CDYL: variants seen among roughly 807,000 people sequenced by gnomAD.
CDYL encodes chromodomain Y-like protein.
Under a neutral mutation model 47.3 loss-of-function variants are expected in CDYL, and 8 were observed. That is an observed-to-expected ratio of 0.17 (90% CI 0.10 to 0.31). The LOEUF (loss-of-function observed/expected upper bound fraction) is 0.31. Ranked by LOEUF, CDYL falls within the 10% of genes least tolerant of loss-of-function variation. CDYL has a pLI of 1.00. For missense variants in CDYL, 471 were observed against 701.4 expected (o/e 0.67, Z 3.71); for synonymous variants, 266 against 265.0 (o/e 1.00, Z -0.04).
chr6:4,948,698 AAAC>A (rs1419865040), intron 5 of CDYL, among the ~76,000 whole-genome samples: 3 of 152,236 alleles, frequency 2.0e-5, no homozygotes, highest in African/African-American at 4.8e-5. Context: ...CCCCCACACC[AAAC>A]AACAGTCCAG....
In CDYL at chr6:4,935,504, ACT is replaced by A. The variant is rs766127105; in HGVS notation, c.692-7_692-6del. The A allele has an allele frequency of 1.9e-5, 31 of 1,613,094 alleles. No homozygotes were observed. In the East Asian group the frequency reaches 6.7e-4, roughly 35 times the overall value. ...ACATCACAGACTACTGTGATTTCAA[ACT>A]CTCGGCAGGTACATCTCCGTTCATG... On this transcript the variant is annotated splice_polypyrimidine_tract_variant and intron_variant, in intron 2 of 6. Transcript: ENST00000397588.
At chr6:4,799,151 A>C (rs233476) in intron 1 of CDYL, among the ~76,000 whole-genome samples, 34,201 of 152,104 alleles carry the variant, frequency 0.22, 5,698 homozygotes, top group African/African-American at 0.48. Flanking sequence ...TTCTGGGTTG[A>C]TTTGTGATTT....
intron 2 of CDYL, among the ~76,000 whole-genome samples, chr6:4,925,186 A>G (rs1407130525): frequency 6.6e-6 from 1 of 152,156 alleles, no homozygotes; most frequent in Non-Finnish European, 1.5e-5. Flanking sequence ...CTTTCTCCAG[A>G]CAATTGTGCA....
intron 1 of CDYL, among the ~76,000 whole-genome samples, chr6:4,824,558 A>G (rs1320077016): frequency 6.6e-6 from 1 of 151,996 alleles, no homozygotes; most frequent in Non-Finnish European, 1.5e-5. Flanking sequence ...CCCATTTTTC[A>G]TTGGGTTATT....
chr6:4,746,308 G>C (rs993345786), intron 3 of CDYL, among the ~76,000 whole-genome samples: 1 of 146,654 alleles, frequency 6.8e-6, no homozygotes, highest in African/African-American at 2.5e-5. Context: ...AGGTTGCAAT[G>C]AACCAAGATT....
intron 1 of CDYL, among the ~76,000 whole-genome samples, chr6:4,883,056 C>G (rs564804225): frequency 6.6e-6 from 1 of 152,186 alleles, no homozygotes; most frequent in Non-Finnish European, 1.5e-5. Context: ...TGTAAGCGAC[C>G]TAAAATTGCC....
intron 1 of CDYL, among the ~76,000 whole-genome samples, chr6:4,811,598 T>C (rs958865733): frequency 2.0e-5 from 3 of 150,948 alleles, no homozygotes; most frequent in Non-Finnish European, 2.9e-5. Flanking sequence ...AAGTACTCAA[T>C]GACATTATTC....
Position 4,910,991 on chromosome 6 carries a change from G to A in CDYL, c.691+18612G>A, listed in dbSNP as rs553349405. Among the ~76,000 whole-genome samples, 152 of 152,126 alleles carry A rather than the reference G, an allele frequency of 1.0e-3. 1 individual carries two copies. The highest frequency in any genetic ancestry group is 1.6e-3 in the Non-Finnish European group (108 of 67,974). On this transcript the variant is annotated intron_variant, in intron 2 of 6. Transcript: ENST00000397588. ...TGGGACTACAGGCGCCTGCCACCAC[G>A]CCCGGCTAATCTTTTTTTTGTATTT...
At chr6:4,873,410 T>G (rs762376573) in intron 1 of CDYL, among the ~76,000 whole-genome samples, 1 of 152,144 alleles carries the variant, frequency 6.6e-6, no homozygotes, top group East Asian at 1.9e-4. Context: ...CAATCTCATA[T>G]TGGGGAGGAA....
intron 1 of CDYL, among the ~76,000 whole-genome samples, chr6:4,838,971 G>A (rs963102208): frequency 2.0e-5 from 3 of 152,106 alleles, no homozygotes; most frequent in African/African-American, 4.8e-5. Flanking sequence ...CACCACTCCC[G>A]GCCTTACTTT....
intron 1 of CDYL, among the ~76,000 whole-genome samples, chr6:4,842,588 C>T (rs1286837056): frequency 6.6e-6 from 1 of 152,042 alleles, no homozygotes; most frequent in Non-Finnish European, 1.5e-5. Flanking sequence ...AATAGCTACT[C>T]CTGCTTGCTT....
At chr6:4,839,431 C>A (rs750986273) in intron 1 of CDYL, among the ~76,000 whole-genome samples, 1 of 152,096 alleles carries the variant, frequency 6.6e-6, no homozygotes, top group African/African-American at 2.4e-5. Context: ...GAATTAAGTC[C>A]CATCTATTTA....
chr6:4,726,898 G>A lies in CDYL; in HGVS notation c.104-7864G>A, dbSNP rs76812915. Among the ~76,000 whole-genome samples, 89 of 152,084 alleles carry A rather than the reference G, an allele frequency of 5.9e-4. 1 individual carries two copies. The East Asian group carries it at 0.015, about 26-fold the overall frequency. ...CTCCATTCTTCTCTTTGTAAAATGTGGGAAATAATGGGTGACTCATTGATT... is the reference window on the plus strand; with the variant it reads ...CTCCATTCTTCTCTTTGTAAAATGTAGGAAATAATGGGTGACTCATTGATT... On this transcript the variant is annotated intron_variant, in intron 2 of 8. Coordinates refer to the CDYL transcript ENST00000328908.
intron 1 of CDYL, among the ~76,000 whole-genome samples, chr6:4,707,848 C>A (rs1014596211): frequency 1.3e-5 from 2 of 151,984 alleles, no homozygotes; most frequent in African/African-American, 4.8e-5. Flanking sequence ...ATAAATTTGC[C>A]TTTAAGTACT....
chr6:4,899,611 C>A (rs980490248), intron 2 of CDYL, among the ~76,000 whole-genome samples: 7 of 152,146 alleles, frequency 4.6e-5, no homozygotes, highest in African/African-American at 1.7e-4. Flanking sequence ...AATTGTTTTC[C>A]TTTTCCTGGT....
At chr6:4,947,125 G>A (rs1321640480) in intron 5 of CDYL, among the ~76,000 whole-genome samples, 6 of 152,358 alleles carry the variant, frequency 3.9e-5, no homozygotes, top group Admixed American at 1.3e-4. Flanking sequence ...TGGCTGGGTC[G>A]TGCAGCCCGT....
At chr6:4,767,608 G>A (rs1488738835) in intron 3 of CDYL, among the ~76,000 whole-genome samples, 2 of 151,622 alleles carry the variant, frequency 1.3e-5, no homozygotes, top group Non-Finnish European at 2.9e-5. Flanking sequence ...GAGGGGAGGG[G>A]AGGGGAGCAG....
At chr6:4,716,379 C>G (rs961749696) in intron 2 of CDYL, among the ~76,000 whole-genome samples, 1 of 152,052 alleles carries the variant, frequency 6.6e-6, no homozygotes, top group Non-Finnish European at 1.5e-5. Flanking sequence ...TTTTTTCATT[C>G]TCTTTAAATC....
intron 1 of CDYL, among the ~76,000 whole-genome samples, chr6:4,835,088 G>A (rs763511370): frequency 1.4e-4 from 21 of 152,224 alleles, no homozygotes; most frequent in East Asian, 9.7e-4. Context: ...GTCATTCTCC[G>A]TCCAGCTTTG....
Sources: allele counts gnomAD v4.1 joint callset (sites outside exome capture counted in the v4.1 genomes callset), GRCh38; gene constraint gnomAD v4.1.1; transcripts MANE v1.5; gene names NCBI Gene and HGNC (gene_info 2026-07-23, HGNC 2026-07-21).